IPO11: variants seen among roughly 807,000 people sequenced by gnomAD.
IPO11 encodes the protein importin-11.
In IPO11, 66 loss-of-function variants were observed where a neutral mutation model predicts 143.2. The observed-to-expected ratio is 0.46, with a 90% CI of 0.38 to 0.57. The LOEUF (loss-of-function observed/expected upper bound fraction) is 0.57, where lower values mean the gene tolerates loss of function less well. Among genes scored for constraint, IPO11 ranks in the 20% least tolerant of loss-of-function variants. The pLI is 0.00. For missense variants in IPO11, 1,026 were observed against 1,141.0 expected (o/e 0.90, Z 1.45); for synonymous variants, 385 against 377.8 (o/e 1.02, Z -0.22).
At chr5:62,559,604 T>G (rs986920345) in intron 26 of IPO11, among the ~76,000 whole-genome samples, 2 of 152,098 alleles carry the variant, frequency 1.3e-5, no homozygotes, top group South Asian at 2.1e-4. Flanking sequence ...TTTTGTTTTT[T>G]TTTCCTCATC....
chr5:62,542,318 GTTCATTAT>G (rs1279871581), intron 24 of IPO11, among the ~76,000 whole-genome samples: 3 of 151,874 alleles, frequency 2.0e-5, no homozygotes, highest in African/African-American at 7.3e-5. Context: ...TCCTAAATAT[GTTCATTAT>G]GAATAAATTA....
intron 26 of IPO11, among the ~76,000 whole-genome samples, chr5:62,553,902 A>G (rs1262264133): frequency 1.3e-5 from 2 of 151,736 alleles, no homozygotes; most frequent in African/African-American, 4.8e-5. Context: ...ACAGGCACCT[A>G]CCACCCCGGC....
intron 14 of IPO11, among the ~76,000 whole-genome samples, 169 bp downstream of exon 14, chr5:62,489,518 T>C (rs750879076): frequency 6.6e-6 from 1 of 152,212 alleles, no homozygotes; most frequent in Non-Finnish European, 1.5e-5. Flanking sequence ...ATAATAATAC[T>C]ATACAGGATA....
At chr5:62,619,111 TC>T (rs1746252565) in intron 29 of IPO11, among the ~76,000 whole-genome samples, 1 of 152,100 alleles carries the variant, frequency 6.6e-6, no homozygotes, top group African/African-American at 2.4e-5. Flanking sequence ...TAGTCCCAGC[TC>T]CTTGAATTTG....
At chr5:62,528,479 T>C (rs1742437172) in intron 21 of IPO11, among the ~76,000 whole-genome samples, 1 of 152,036 alleles carries the variant, frequency 6.6e-6, no homozygotes, top group African/African-American at 2.4e-5. Context: ...CTGGGTAGTG[T>C]GGGAAATGTG....
chr5:62,483,057 T>A, intron 9 of IPO11, 44 bp from the exon 10 acceptor site: 1 of 1,228,566 alleles, frequency 8.1e-7, no homozygotes, highest in Non-Finnish European at 1.2e-6. Context: ...AATATGAATT[T>A]GGGGAAAATA....
chr5:62,515,539 G>A, intron 20 of IPO11, 38 bp downstream of exon 20: 2 of 1,358,570 alleles, frequency 1.5e-6, no homozygotes, highest in South Asian at 1.4e-5. Context: ...TAGTTTAGTG[G>A]TTTTTAAAAA....
chr5:62,492,294 C>T (rs1323682994), intron 15 of IPO11, among the ~76,000 whole-genome samples: 6 of 152,304 alleles, frequency 3.9e-5, no homozygotes, highest in Admixed American at 6.5e-5. Context: ...CCTCACTCTA[C>T]ACAAGTTGTT....
At chr5:62,611,515 TA>T (rs1453763518) in intron 29 of IPO11, among the ~76,000 whole-genome samples, 8 of 152,214 alleles carry the variant, frequency 5.3e-5, no homozygotes, top group African/African-American at 1.9e-4. Context: ...TAGTGATGGT[TA>T]TTTTTTAGTT....
chr5:62,617,689 C>G (rs932867243), intron 29 of IPO11, among the ~76,000 whole-genome samples: 5 of 151,820 alleles, frequency 3.3e-5, no homozygotes, highest in African/African-American at 9.7e-5. Context: ...TTGCTGGAAA[C>G]TGAATGGAGA....
chr5:62,439,821 G>T (rs1051871326), intron 2 of IPO11, among the ~76,000 whole-genome samples: 3 of 151,964 alleles, frequency 2.0e-5, no homozygotes, highest in African/African-American at 7.3e-5. Flanking sequence ...CGCTATCTAG[G>T]TACATTTGAT....
In IPO11 at chr5:62,504,682, G is replaced by A. The variant is rs1240194186; in HGVS notation, c.1606G>A (p.Ala536Thr). The A allele has an allele frequency of 6.7e-7, 1 of 1,484,550 alleles. No individual in the cohort carries two copies. 92.0% of individuals were successfully genotyped at this position (1,484,550 alleles called of 1,614,324 possible). A position where few individuals can be genotyped will look rare whatever the true frequency, so the allele number is the denominator to read the frequency against. ...DQDLVVRIET[A>T]TTLKLTVDDF... Reference sequence around the variant, plus strand: ...TTTCTTTTAGGTCCGTATTGAAACAGCTACAACTTTGAAGTTAAATATCCT... The same window carrying A: ...TTTCTTTTAGGTCCGTATTGAAACAACTACAACTTTGAAGTTAAATATCCT... The change falls in exon 17 of 30, where the codon GCT (alanine) becomes ACT (threonine). Residue 536 changes from alanine (A) to threonine (T), a missense_variant. Around this residue, in one of 5 missense-constraint regions of IPO11, gnomAD observed 237 missense variants for 288.0 expected, o/e 0.82. Coordinates refer to ENST00000325324, the MANE Select transcript of IPO11 (RefSeq NM_016338.5).
intron 27 of IPO11, among the ~76,000 whole-genome samples, chr5:62,585,010 T>C (rs1442583236): frequency 6.6e-6 from 1 of 152,206 alleles, no homozygotes; most frequent in Non-Finnish European, 1.5e-5. Flanking sequence ...TTATCCTGAA[T>C]AATGTGGAGA....
intron 29 of IPO11, among the ~76,000 whole-genome samples, chr5:62,607,980 A>G (rs1371620823): frequency 6.6e-6 from 1 of 151,878 alleles, no homozygotes; most frequent in Admixed American, 6.6e-5. Context: ...CCACTGCTGG[A>G]TAATTTTTGT....
Position 62,506,261 on chromosome 5 carries a change from A to T in IPO11, c.1686A>T (p.Thr562=). Residue 562 remains threonine (T), a synonymous_variant, in exon 19 of 30, where the codon ACA becomes ACT. Transcript: ENST00000325324. ...QFLPYLETMF[T]LLFQLLQQVT... The stretch of plus-strand genomic sequence containing the variant: ...TGCAGTATTTGGAAACCATGTTCAC[A>T]CTACTTTTTCAGTTACTGCAGCAAG... 1 of 1,607,322 alleles carries T rather than the reference A, an allele frequency of 6.2e-7. No homozygotes were observed. Among genetic ancestry groups the T allele is most frequent in the Non-Finnish European group, 8.5e-7 (1 of 1,175,834 alleles).
chr5:62,609,719 G>A (rs549953560), intron 29 of IPO11, among the ~76,000 whole-genome samples: 137 of 152,328 alleles, frequency 9.0e-4, no homozygotes, highest in Middle Eastern at 3.4e-3. Context: ...TGTCTTCCTG[G>A]TTTGAGTTTA....
chr5:62,603,589 A>G, intron 29 of IPO11, among the ~76,000 whole-genome samples: 1 of 152,236 alleles, frequency 6.6e-6, no homozygotes, highest in South Asian at 2.1e-4. Flanking sequence ...ATTTCCTGAC[A>G]GGGTGCACTT....
At chr5:62,601,889 A>G (rs1235276131) in intron 29 of IPO11, 41 bp downstream of exon 29, 6 of 1,259,414 alleles carry the variant, frequency 4.8e-6, no homozygotes, top group Non-Finnish European at 6.7e-6. Context: ...AGAACCATAT[A>G]TTATCATTTT....
At chr5:62,566,540 C>T (rs1165742062) in intron 27 of IPO11, among the ~76,000 whole-genome samples, 1 of 151,732 alleles carries the variant, frequency 6.6e-6, no homozygotes, top group East Asian at 1.9e-4. Context: ...TGAGACCAAC[C>T]CGGGCAACAC....
Sources: allele counts gnomAD v4.1 joint callset (sites outside exome capture counted in the v4.1 genomes callset), GRCh38; gene constraint gnomAD v4.1.1; regional missense constraint gnomAD v4.1.1; transcripts MANE v1.5; gene names NCBI Gene and HGNC (gene_info 2026-07-23, HGNC 2026-07-21).